The following ULK4 variants were observed in gnomAD, a reference collection of about 807,000 sequenced individuals.
The protein encoded by ULK4 is unc-51 like kinase 4.
In ULK4, 133 loss-of-function variants were observed where a neutral mutation model predicts 160.6. The observed-to-expected ratio is 0.83, with a 90% CI of 0.72 to 0.96. The LOEUF is 0.96. ULK4 is among the 40% of genes least tolerant of loss of function. The pLI is 0.00. For missense variants in ULK4, 1,580 were observed against 1,499.5 expected (o/e 1.05, Z -0.89); for synonymous variants, 534 against 539.8 (o/e 0.99, Z 0.15).
chr3:41,664,333 C>G (rs2035284321), intron 29 of ULK4, among the ~76,000 whole-genome samples: 1 of 152,174 alleles, frequency 6.6e-6, no homozygotes, highest in African/African-American at 2.4e-5. Context: ...AAAGCCACCT[C>G]TGAATCATAT....
chr3:41,868,902 A>G (rs1696996160), intron 17 of ULK4: 1 of 152,060 alleles, frequency 6.6e-6, no homozygotes. Flanking sequence ...TAAGTCTATC[A>G]TCTTGTCATT....
At chr3:41,907,077 A>C (rs1698596335) in intron 12 of ULK4, among the ~76,000 whole-genome samples, 1 of 152,210 alleles carries the variant, frequency 6.6e-6, no homozygotes, top group Admixed American at 6.6e-5. Flanking sequence ...TTCCATTTAT[A>C]GAAAATGCAC....
At chr3:41,314,329 T>A (rs1309600559) in intron 35 of ULK4, among the ~76,000 whole-genome samples, 1 of 152,166 alleles carries the variant, frequency 6.6e-6, no homozygotes. Context: ...TATACCCAAC[T>A]GGTAATTTTT....
At chr3:41,469,456 C>A (rs2083915855) in intron 32 of ULK4, among the ~76,000 whole-genome samples, 1 of 151,674 alleles carries the variant, frequency 6.6e-6, no homozygotes, top group African/African-American at 2.4e-5. Context: ...GATAGAAGAG[C>A]CCAGCCAGCT....
chr3:41,368,851 T>C (rs1184592542), intron 35 of ULK4, among the ~76,000 whole-genome samples: 1 of 152,246 alleles, frequency 6.6e-6, no homozygotes, highest in African/African-American at 2.4e-5. Context: ...ATGAAATTCA[T>C]GTATAAACTG....
At chr3:41,693,019 T>C (rs545443693) in intron 27 of ULK4, among the ~76,000 whole-genome samples, 30 of 152,230 alleles carry the variant, frequency 2.0e-4, no homozygotes, top group Non-Finnish European at 2.6e-4. Flanking sequence ...AGTAAATGCA[T>C]TGGAAATTCA....
intron 34 of ULK4, among the ~76,000 whole-genome samples, chr3:41,452,880 A>T (rs189747457): frequency 3.5e-4 from 54 of 152,294 alleles, no homozygotes; most frequent in Admixed American, 1.6e-3. Context: ...TTGAATCAAA[A>T]CATTGTATTT....
At chr3:41,635,960 T>A (rs775762189) in intron 30 of ULK4, among the ~76,000 whole-genome samples, 1 of 152,244 alleles carries the variant, frequency 6.6e-6, no homozygotes, top group Non-Finnish European at 1.5e-5. Flanking sequence ...CAACCTGTCA[T>A]TTATTTAACT....
intron 32 of ULK4, among the ~76,000 whole-genome samples, chr3:41,509,132 T>A (rs1483863658): frequency 6.6e-6 from 1 of 151,836 alleles, no homozygotes; most frequent in Non-Finnish European, 1.5e-5. Flanking sequence ...TAAAAAACAA[T>A]CGCAACTTCT....
intron 29 of ULK4, among the ~76,000 whole-genome samples, chr3:41,664,384 C>T (rs2035285667): frequency 6.6e-6 from 1 of 152,086 alleles, no homozygotes; most frequent in Non-Finnish European, 1.5e-5. Flanking sequence ...TGTCATGTGC[C>T]GGTTTCCTTA....
Position 41,418,351 on chromosome 3 carries a change from G to A in ULK4, c.3493-20087C>T, listed in dbSNP as rs1349304675. On this transcript the variant is annotated intron_variant, in intron 34 of 36. Transcript: ENST00000301831. ...TTTTTTCTTAATTTGGCGGGGGGGGGGGCACGTTTCTAAGCTACACAGTTT... is the reference window on the plus strand; with the variant it reads ...TTTTTTCTTAATTTGGCGGGGGGGGAGGCACGTTTCTAAGCTACACAGTTT... Among the ~76,000 whole-genome samples the A allele has an allele frequency of 1.3e-4, 19 of 141,204 alleles. 1 individual carries two copies. The allele number at this position is 141,204 out of a possible 152,430, so 92.6% of individuals were successfully genotyped here.
intron 21 of ULK4, among the ~76,000 whole-genome samples, chr3:41,784,321 C>A (rs565006604): frequency 4.6e-5 from 7 of 152,138 alleles, no homozygotes; most frequent in African/African-American, 1.7e-4. Flanking sequence ...GTAATCCCAG[C>A]TACTCGGGAG....
chr3:41,611,875 T>A (rs557253083), intron 31 of ULK4, among the ~76,000 whole-genome samples: 4 of 152,296 alleles, frequency 2.6e-5, no homozygotes, highest in African/African-American at 9.6e-5. Flanking sequence ...AACTACCCTT[T>A]ACCCTCATTT....
At position 41,637,725 on chromosome 3, in the gene ULK4, T is replaced by C. The variant is rs371567751; in HGVS notation, c.3072-22008A>G. ...TTGTTATCTTTCATTTTTCGGATCA[T>C]AGCCATTCTAACAGGTGTGAAGTGA... On this transcript the variant is annotated intron_variant, in intron 30 of 36. Coordinates refer to ENST00000301831, the MANE Select transcript of ULK4 (RefSeq NM_017886.4). Among the ~76,000 whole-genome samples the C allele has an allele frequency of 2.9e-4, 44 of 152,344 alleles. 1 individual carries two copies. In the East Asian group the frequency reaches 3.5e-3, roughly 12 times the overall value.
chr3:41,921,592 A>C (rs977241474), intron 5 of ULK4, among the ~76,000 whole-genome samples: 3 of 151,624 alleles, frequency 2.0e-5, no homozygotes, highest in Admixed American at 1.3e-4. Flanking sequence ...TCCAGCCTGG[A>C]CAACAGAGCG....
rs555380274 is a variant in ULK4, at chr3:41,746,998, C to T, written c.2321+7363G>A. Among the ~76,000 whole-genome samples the T allele has an allele frequency of 9.9e-5, 15 of 151,964 alleles. No homozygotes were observed. In the South Asian group the frequency reaches 1.0e-3, roughly 11 times the overall value. On this transcript the variant is annotated intron_variant, in intron 22 of 36. Transcript: ENST00000301831. ...CTCTAACTAAACTTTATACTTTATG[C>T]GTAAAATTAACTCAAAATGGATCAC...
chr3:41,807,075 C>T (rs1205677071), intron 19 of ULK4, among the ~76,000 whole-genome samples: 1 of 151,868 alleles, frequency 6.6e-6, no homozygotes, highest in East Asian at 1.9e-4. Context: ...TTGCAGTGAG[C>T]CGAGATTGTG....
chr3:41,294,532 A>AG (rs1313651377), intron 35 of ULK4, among the ~76,000 whole-genome samples: 1 of 152,194 alleles, frequency 6.6e-6, no homozygotes, highest in African/African-American at 2.4e-5. Context: ...GAGAATCATG[A>AG]GTTTTTCTGA....
chr3:41,789,306 T>C (rs1038865419), intron 21 of ULK4, among the ~76,000 whole-genome samples: 1 of 151,920 alleles, frequency 6.6e-6, no homozygotes, highest in African/African-American at 2.4e-5. Flanking sequence ...CAGAAAAATA[T>C]AAAGGGACTC....
Sources: gnomAD v4.1 joint callset for allele counts (sites outside exome capture counted in the v4.1 genomes callset) on GRCh38, gnomAD v4.1.1 for gene constraint, MANE v1.5 for transcripts, NCBI Gene and HGNC (gene_info 2026-07-23, HGNC 2026-07-21) for gene names.